RIN3: variants seen among roughly 807,000 people sequenced by gnomAD.
The protein encoded by RIN3 is RAB5 interacting protein 3.
A neutral mutation model predicts 76.3 loss-of-function variants in RIN3; 54 were observed. The ratio of observed to expected loss-of-function variants is 0.71; its 90% confidence interval spans 0.57 to 0.89. The LOEUF (loss-of-function observed/expected upper bound fraction) is 0.89, where lower values mean the gene tolerates loss of function less well. RIN3 is among the 40% of genes least tolerant of loss of function. RIN3 has a pLI of 0.00. For missense variants in RIN3, 1,256 were observed against 1,322.1 expected (o/e 0.95, Z 0.78); for synonymous variants, 576 against 564.0 (o/e 1.02, Z -0.30).
At chr14:92,572,637 A>G (rs747133149) in intron 2 of RIN3, among the ~76,000 whole-genome samples, 10 of 152,108 alleles carry the variant, frequency 6.6e-5, no homozygotes, top group Non-Finnish European at 1.5e-5. Context: ...TAAGACCCCA[A>G]TTCCTTGGGG....
intron 5 of RIN3, among the ~76,000 whole-genome samples, chr14:92,649,567 A>G (rs997501730): frequency 2.0e-5 from 3 of 151,966 alleles, no homozygotes; most frequent in Admixed American, 2.0e-4. Context: ...TCAAACACTC[A>G]CTGCAGGGGC....
intron 7 of RIN3, among the ~76,000 whole-genome samples, chr14:92,663,150 T>C (rs911817730): frequency 2.0e-5 from 3 of 152,230 alleles, no homozygotes; most frequent in Admixed American, 6.5e-5. Context: ...TATGTATTTA[T>C]TGTGTACAAC....
intron 3 of RIN3, among the ~76,000 whole-genome samples, chr14:92,612,142 A>G (rs909679107): frequency 6.6e-6 from 1 of 152,216 alleles, no homozygotes; most frequent in Non-Finnish European, 1.5e-5. Flanking sequence ...ACAATTGCAC[A>G]TGAGATTTGG....
intron 3 of RIN3, among the ~76,000 whole-genome samples, chr14:92,607,454 A>G (rs1417054924): frequency 6.6e-6 from 1 of 152,214 alleles, no homozygotes; most frequent in Admixed American, 6.5e-5. Flanking sequence ...CATCTCTACA[A>G]AAAATTTAAA....
intron 3 of RIN3, among the ~76,000 whole-genome samples, chr14:92,602,458 C>T (rs937156626): frequency 6.6e-6 from 1 of 152,198 alleles, no homozygotes; most frequent in Admixed American, 6.5e-5. Context: ...AAGGCACCTG[C>T]TATACTGGCT....
At chr14:92,657,500 G>A (rs982592665) in intron 6 of RIN3, among the ~76,000 whole-genome samples, 1 of 152,228 alleles carries the variant, frequency 6.6e-6, no homozygotes, top group African/African-American at 2.4e-5. Flanking sequence ...CCAGACCAGA[G>A]AGGAGGTGCC....
chr14:92,680,194 C>G (rs1480892223), intron 8 of RIN3, among the ~76,000 whole-genome samples: 1 of 143,050 alleles, frequency 7.0e-6, no homozygotes, highest in East Asian at 2.1e-4. Flanking sequence ...GGACAGCTCT[C>G]TGGCACTTTT....
chr14:92,624,510 C>T (rs1886284535), intron 4 of RIN3, among the ~76,000 whole-genome samples: 1 of 152,112 alleles, frequency 6.6e-6, no homozygotes, highest in African/African-American at 2.4e-5. Flanking sequence ...TGTGAGGGGA[C>T]CCAATCTTGA....
At chr14:92,581,493 T>G (rs533148894) in intron 3 of RIN3, among the ~76,000 whole-genome samples, 111 of 152,058 alleles carry the variant, frequency 7.3e-4, no homozygotes, top group African/African-American at 2.5e-3. Context: ...GAGTTGGGAG[T>G]GCTGTTCACG....
At chr14:92,675,840 C>T (rs554175192) in intron 7 of RIN3, among the ~76,000 whole-genome samples, 33 of 152,276 alleles carry the variant, frequency 2.2e-4, no homozygotes, top group African/African-American at 6.3e-4. Flanking sequence ...CTTTATAGAG[C>T]GCCCTCCATC....
chr14:92,594,030 A>C (rs911505953), intron 3 of RIN3, among the ~76,000 whole-genome samples: 1 of 152,168 alleles, frequency 6.6e-6, no homozygotes, highest in African/African-American at 2.4e-5. Context: ...TCTATAGACT[A>C]TTTTATCCAA....
intron 2 of RIN3, among the ~76,000 whole-genome samples, chr14:92,566,544 T>C (rs575290754): frequency 2.0e-5 from 3 of 152,302 alleles, no homozygotes; most frequent in East Asian, 1.9e-4. Context: ...GTGATACATC[T>C]CCTGAGTCAG....
At chr14:92,684,395 A>AAAC (rs1219908314) in intron 8 of RIN3, among the ~76,000 whole-genome samples, 1 of 151,790 alleles carries the variant, frequency 6.6e-6, no homozygotes, top group East Asian at 1.9e-4. Context: ...CAAAAAAAAA[A>AAAC]AAAAAAACCT....
rs764473809 is a variant in RIN3, at chr14:92,659,223, T to C, written c.2089T>C (p.Ser697Pro). ...VLKPLKEAIN[S>P]CLHQIHSKDG... ...GAAGCCCCTGAAGGAAGCCATCAAC[T>C]CATGCCTGCATCAGATCCACAGCAA... Residue 697 changes from serine to proline, a missense_variant, in exon 7 of 10, where the codon TCA (serine) becomes CCA (proline). Coordinates refer to ENST00000216487, the MANE Select transcript of RIN3 (RefSeq NM_024832.5). 2 of 1,614,178 alleles carry C rather than the reference T, an allele frequency of 1.2e-6. No homozygotes were observed. The highest frequency in any genetic ancestry group is 1.7e-5 in the Admixed American group (1 of 60,020).
In RIN3 at chr14:92,648,580, C is replaced by A. The variant is rs750649782; in HGVS notation, c.533-3002C>A. ...TCCCCTTCCTCAGAGGCCTGACTCTCCACTCCGGCTAAGCTAATCCACTCA... is the reference window on the plus strand; with the variant it reads ...TCCCCTTCCTCAGAGGCCTGACTCTACACTCCGGCTAAGCTAATCCACTCA... On this transcript the variant is annotated intron_variant, in intron 5 of 9. Transcript: ENST00000216487. The surrounding 1 kb of genome is among the most constrained non-coding windows in gnomAD (Gnocchi z 4.1). Among the ~76,000 whole-genome samples, 10 of 152,122 alleles carry A rather than the reference C, an allele frequency of 6.6e-5. No homozygotes were observed. Among genetic ancestry groups the A allele is most frequent in the Non-Finnish European group, 1.3e-4 (9 of 68,038 alleles).
In RIN3 at chr14:92,652,453, A is replaced by G. The variant is rs774813273; in HGVS notation, c.1404A>G (p.Arg468=). The G allele has an allele frequency of 5.6e-6, 9 of 1,613,868 alleles. No homozygotes were observed. The highest frequency in any genetic ancestry group is 3.3e-4 in the Middle Eastern group (2 of 6,084). Residue 468 remains arginine, a synonymous_variant, in exon 6 of 10, where the codon CGA becomes CGG. Coordinates refer to ENST00000216487, the MANE Select transcript of RIN3 (RefSeq NM_024832.5). This position sits in a 1 kb window ranked among gnomAD's most constrained non-coding sequence, Gnocchi z 6.4. ...VPPPRKKRIS[R]QLASTLPAPL... ...CCCCCAGGAAAAAACGGATCTCTCG[A>G]CAACTGGCCTCGACCCTCCCAGCTC...
At chr14:92,543,087 G>T (rs1055709230) in intron 1 of RIN3, among the ~76,000 whole-genome samples, 1 of 152,126 alleles carries the variant, frequency 6.6e-6, no homozygotes, top group Non-Finnish European at 1.5e-5. Context: ...GTTAAAAAAC[G>T]AACCACCCTA....
At chr14:92,666,194 T>C (rs1052167244) in intron 7 of RIN3, among the ~76,000 whole-genome samples, 6 of 152,148 alleles carry the variant, frequency 3.9e-5, no homozygotes, top group African/African-American at 7.2e-5. Context: ...CCTGCCTCAT[T>C]GCTATGATGC....
intron 3 of RIN3, among the ~76,000 whole-genome samples, chr14:92,595,988 T>C (rs2140082617): frequency 6.6e-6 from 1 of 152,344 alleles, no homozygotes; most frequent in Non-Finnish European, 1.5e-5. Context: ...TGATGTTTTC[T>C]GTGTCTCTTT....
Sources: allele counts gnomAD v4.1 joint callset (sites outside exome capture counted in the v4.1 genomes callset), GRCh38; gene constraint gnomAD v4.1.1; non-coding constraint Gnocchi (gnomAD v3.1); transcripts MANE v1.5; gene names NCBI Gene and HGNC (gene_info 2026-07-23, HGNC 2026-07-21).